The following MDGA2 variants were observed in gnomAD, a reference collection of about 807,000 sequenced individuals.
The protein encoded by MDGA2 is MAM domain-containing glycosylphosphatidylinositol anchor protein 2.
MDGA2 carries 40 observed loss-of-function variants against 117.8 expected under a neutral mutation model. The ratio of observed to expected loss-of-function variants is 0.34; its 90% CI spans 0.26 to 0.44. The LOEUF (loss-of-function observed/expected upper bound fraction) is 0.44, where lower values mean the gene tolerates loss of function less well. Ranked by LOEUF, MDGA2 falls within the 20% of genes least tolerant of loss-of-function variation. MDGA2 has a pLI of 1.00. For synonymous variants in MDGA2, 452 were observed against 439.0 expected, an observed-to-expected ratio of 1.03 and a Z score of -0.37; for missense variants, 1,123 against 1,250.6, an observed-to-expected ratio of 0.90 and a Z score of 1.54.
intron 2 of MDGA2, among the ~76,000 whole-genome samples, chr14:47,234,299 C>T (rs1438942509): frequency 3.3e-5 from 5 of 151,152 alleles, no homozygotes; most frequent in Non-Finnish European, 7.4e-5. Flanking sequence ...AATCATAAGT[C>T]ATCTAGCATA....
At chr14:47,320,128 AC>A (rs1889936343) in intron 1 of MDGA2, among the ~76,000 whole-genome samples, 1 of 152,184 alleles carries the variant, frequency 6.6e-6, no homozygotes, top group Non-Finnish European at 1.5e-5. Context: ...TTGATCTTGG[AC>A]TTAGAGTCTC....
chr14:47,645,875 A>G (rs1353021786), intron 1 of MDGA2, among the ~76,000 whole-genome samples: 1 of 151,814 alleles, frequency 6.6e-6, no homozygotes, highest in East Asian at 2.0e-4. Flanking sequence ...GATCGAGACC[A>G]TCCTGGCTAA....
At chr14:47,652,735 G>A (rs1347377216) in intron 1 of MDGA2, among the ~76,000 whole-genome samples, 1 of 151,960 alleles carries the variant, frequency 6.6e-6, no homozygotes, top group Non-Finnish European at 1.5e-5. Context: ...TTTTAAAATT[G>A]CAAAGATCAT....
intron 9 of MDGA2, among the ~76,000 whole-genome samples, chr14:46,952,145 A>C (rs1885391399): frequency 6.6e-6 from 1 of 151,936 alleles, no homozygotes; most frequent in Non-Finnish European, 1.5e-5. Flanking sequence ...AATATATAAT[A>C]AATGCAATTT....
chr14:47,112,478 A>G (rs1451873676), intron 5 of MDGA2, among the ~76,000 whole-genome samples: 1 of 152,086 alleles, frequency 6.6e-6, no homozygotes, highest in African/African-American at 2.4e-5. Flanking sequence ...GCTCCCACTT[A>G]TAAGTAAGAA....
intron 15 of MDGA2, among the ~76,000 whole-genome samples, chr14:46,846,386 G>C (rs895775247): frequency 6.6e-6 from 1 of 152,030 alleles, no homozygotes; most frequent in Non-Finnish European, 1.5e-5. Context: ...GAATAGGTTC[G>C]TCATATTCCC....
intron 1 of MDGA2, among the ~76,000 whole-genome samples, chr14:47,505,536 T>C (rs1055079702): frequency 2.6e-5 from 4 of 152,164 alleles, no homozygotes; most frequent in East Asian, 3.9e-4. Flanking sequence ...TGTACTCAAG[T>C]GTTTGTCAAA....
intron 5 of MDGA2, among the ~76,000 whole-genome samples, chr14:47,108,128 G>C (rs561897549): frequency 5.2e-4 from 79 of 151,880 alleles, no homozygotes; most frequent in African/African-American, 1.9e-3. Context: ...ACCAAGCTCA[G>C]CCACCAACTT....
Position 47,588,259 on chromosome 14 carries a change from TATACAC to T in MDGA2, c.280+86252_280+86257del, listed in dbSNP as rs1429169262. Among the ~76,000 whole-genome samples, 907 of 122,316 alleles carry T rather than the reference TATACAC, an allele frequency of 7.4e-3. 14 individuals carry two copies. Among genetic ancestry groups the T allele is most frequent in the African/African-American group, 0.026 (808 of 30,522 alleles). The allele number at this position is 122,316 out of a possible 152,430, so 80.2% of individuals were successfully genotyped here. On this transcript the variant is annotated intron_variant, in intron 1 of 16. Transcript: ENST00000399232. ...ATAGATATATATATATATATATATA[TATACAC>T]ACACACACACACACACACACACAAA...
intron 4 of MDGA2, among the ~76,000 whole-genome samples, chr14:47,137,439 G>C (rs942517195): frequency 3.9e-5 from 6 of 152,070 alleles, no homozygotes; most frequent in Non-Finnish European, 8.8e-5. Flanking sequence ...AATGTCCTGA[G>C]GGGGGCTGTG....
intron 2 of MDGA2, among the ~76,000 whole-genome samples, chr14:47,235,029 A>T (rs1760532636): frequency 6.6e-6 from 1 of 152,126 alleles, no homozygotes; most frequent in South Asian, 2.1e-4. Context: ...TCATTATCTT[A>T]TTGATTTTAA....
intron 1 of MDGA2, among the ~76,000 whole-genome samples, chr14:47,476,922 G>A (rs1444140688): frequency 6.6e-6 from 1 of 152,186 alleles, no homozygotes; most frequent in Non-Finnish European, 1.5e-5. Context: ...AGCACTTTGG[G>A]AGGCCGAGGC....
chr14:47,496,023 G>C (rs1356640634), intron 1 of MDGA2, among the ~76,000 whole-genome samples: 2 of 151,206 alleles, frequency 1.3e-5, no homozygotes, highest in African/African-American at 2.4e-5. Context: ...TGCATTTTTG[G>C]GTAAATTGCC....
intron 15 of MDGA2, among the ~76,000 whole-genome samples, chr14:46,848,647 TAAAA>T (rs71112463): frequency 7.7e-6 from 1 of 129,742 alleles, no homozygotes. Context: ...AGGCTTGTGC[TAAAA>T]AAAAAAAAAA....
intron 9 of MDGA2, among the ~76,000 whole-genome samples, chr14:46,944,427 ATT>A (rs2138590075): frequency 1.3e-5 from 2 of 151,792 alleles, no homozygotes; most frequent in South Asian, 4.2e-4. Context: ...GGACTATGGT[ATT>A]CTTACGTGTG....
intron 1 of MDGA2, among the ~76,000 whole-genome samples, chr14:47,488,575 A>G (rs2138648475): frequency 6.6e-6 from 1 of 152,268 alleles, no homozygotes; most frequent in Non-Finnish European, 1.5e-5. Flanking sequence ...GCAAATGAAA[A>G]ATGAGCATAA....
intron 1 of MDGA2, among the ~76,000 whole-genome samples, chr14:47,571,605 G>A (rs1408100047): frequency 1.3e-5 from 2 of 152,020 alleles, no homozygotes; most frequent in Admixed American, 1.3e-4. Context: ...TCCTTTGCAG[G>A]GACATGGATG....
chr14:46,950,501 T>C (rs1885334268), intron 9 of MDGA2, among the ~76,000 whole-genome samples: 1 of 151,990 alleles, frequency 6.6e-6, no homozygotes, highest in Admixed American at 6.6e-5. Context: ...CTTAAAGTTA[T>C]TTTTCAGTAC....
intron 1 of MDGA2, among the ~76,000 whole-genome samples, chr14:47,673,632 A>ATGTGTGTGTGTGTGTGTGTGTG (rs10528657): frequency 1.3e-4 from 19 of 144,074 alleles, no homozygotes; most frequent in Admixed American, 6.2e-4. Flanking sequence ...TATGACCTGG[A>ATGTGTGTGTGTGTGTGTGTGTG]TGTGTGTGTG....
Sources: allele counts gnomAD v4.1 joint callset (sites outside exome capture counted in the v4.1 genomes callset), GRCh38; gene constraint gnomAD v4.1.1; transcripts MANE v1.5; gene names NCBI Gene and HGNC (gene_info 2026-07-23, HGNC 2026-07-21).